Variants in UST observed in about 807,000 individuals in gnomAD.
The protein encoded by UST is chondroitin sulfate 2-O-sulfotransferase.
UST carries 21 observed loss-of-function variants against 45.6 expected under a neutral mutation model. The observed-to-expected ratio is 0.46, with a 90% CI of 0.33 to 0.66. UST has a LOEUF of 0.66. UST is among the 30% of genes least tolerant of loss of function. UST has a pLI of 0.02. For synonymous variants in UST, 215 were observed against 200.6 expected (o/e 1.07, Z -0.61); for missense variants, 463 against 512.4 (o/e 0.90, Z 0.93).
At chr6:149,054,472 C>A (rs2115038058) in intron 7 of UST, among the ~76,000 whole-genome samples, 1 of 152,326 alleles carries the variant, frequency 6.6e-6, no homozygotes, top group Admixed American at 6.5e-5. Flanking sequence ...TAGCAATCTT[C>A]TGTGGTTCCA....
At chr6:148,993,926 A>G (rs2114995365) in intron 5 of UST, among the ~76,000 whole-genome samples, 1 of 136,746 alleles carries the variant, frequency 7.3e-6, no homozygotes, top group South Asian at 2.4e-4. Context: ...TCTTTTCCTT[A>G]TAAATTACCC....
At chr6:149,010,913 A>AAAAAAAAAAAAAAAAAAAAAAAAAAAAC (rs755674810) in intron 5 of UST, among the ~76,000 whole-genome samples, 3 of 92,996 alleles carry the variant, frequency 3.2e-5, no homozygotes, top group Admixed American at 1.3e-4. Context: ...AAAAAAAAAA[A>AAAAAAAAAAAAAAAAAAAAAAAAAAAAC]AAAAAACTGT....
chr6:148,842,063 A>G (rs902823673), intron 1 of UST, among the ~76,000 whole-genome samples: 1 of 152,180 alleles, frequency 6.6e-6, no homozygotes, highest in African/African-American at 2.4e-5. Flanking sequence ...CCGAGATCTT[A>G]CCAATGCACT....
chr6:149,056,444 G>T (rs1461379125), intron 7 of UST, among the ~76,000 whole-genome samples: 2 of 151,964 alleles, frequency 1.3e-5, no homozygotes, highest in African/African-American at 2.4e-5. Flanking sequence ...TGATACCCAG[G>T]GATTTTTCCC....
At chr6:148,760,409 G>A (rs140717888) in intron 1 of UST, among the ~76,000 whole-genome samples, 24 of 152,280 alleles carry the variant, frequency 1.6e-4, no homozygotes, top group Non-Finnish European at 2.5e-4. Flanking sequence ...TGGGTAAGAG[G>A]GTTCTTCACA....
At chr6:148,787,683 G>C (rs774304000) in intron 1 of UST, among the ~76,000 whole-genome samples, 1 of 152,100 alleles carries the variant, frequency 6.6e-6, no homozygotes, top group Non-Finnish European at 1.5e-5. Context: ...CTCTTTTTCG[G>C]TTCCATATGA....
chr6:149,018,456 T>A (rs1775937109), intron 5 of UST, among the ~76,000 whole-genome samples: 1 of 152,198 alleles, frequency 6.6e-6, no homozygotes, highest in South Asian at 2.1e-4. Context: ...TAATATGATC[T>A]ACCTTGATAA....
chr6:148,786,014 C>G (rs1349052574), intron 1 of UST, among the ~76,000 whole-genome samples: 1 of 151,530 alleles, frequency 6.6e-6, no homozygotes, highest in Non-Finnish European at 1.5e-5. Context: ...ATCATGTTAG[C>G]TTTTTAAATA....
chr6:148,872,638 TA>T (rs1357721912), intron 1 of UST, among the ~76,000 whole-genome samples: 1 of 152,138 alleles, frequency 6.6e-6, no homozygotes, highest in African/African-American at 2.4e-5. Context: ...ACAAAATAAT[TA>T]TCTTACAGTT....
At chr6:148,814,496 G>A (rs114138489) in intron 1 of UST, among the ~76,000 whole-genome samples, 65 of 152,142 alleles carry the variant, frequency 4.3e-4, no homozygotes, top group African/African-American at 1.4e-3. Context: ...AAAAAATCAT[G>A]CCAAGAGGGC....
At position 149,074,100 on chromosome 6, in the gene UST, A is replaced by C; in HGVS notation, c.1205A>C (p.Asp402Ala). The C allele has an allele frequency of 1.9e-6, 3 of 1,614,162 alleles. No homozygotes were observed. The highest frequency in any genetic ancestry group is 2.5e-6 in the Non-Finnish European group (3 of 1,179,992). ...CAGGATGATGAAAAGTGGCTGGAAG[A>C]TATTTATAAGAGGTGATGTGACTGT... ...EEQDDEKWLE[D>A]IYKR The change falls in exon 8 of 8, where the codon GAT (aspartate) becomes GCT (alanine). Residue 402 changes from aspartate (D) to alanine (A), a missense_variant. Physicochemically the swap from Asp to Ala is moderately radical, Grantham distance 126 (BLOSUM62 -2). Transcript: ENST00000367463.
intron 5 of UST, among the ~76,000 whole-genome samples, chr6:148,974,175 T>A (rs532811955): frequency 3.3e-5 from 5 of 152,334 alleles, no homozygotes; most frequent in African/African-American, 1.2e-4. Context: ...AGCATGAGCT[T>A]ATTATTAAAA....
chr6:149,041,464 C>G (rs957641157), intron 7 of UST, among the ~76,000 whole-genome samples: 1 of 152,210 alleles, frequency 6.6e-6, no homozygotes, highest in African/African-American at 2.4e-5. Flanking sequence ...AGACCTGGAG[C>G]TGGGATGTTC....
At chr6:148,838,219 C>T (rs1018020376) in intron 1 of UST, among the ~76,000 whole-genome samples, 7 of 151,966 alleles carry the variant, frequency 4.6e-5, no homozygotes, top group Non-Finnish European at 7.4e-5. Flanking sequence ...GGCCTGAGGG[C>T]GGGGTGAGAG....
At chr6:148,861,130 CTTT>C (rs1778304169) in intron 1 of UST, among the ~76,000 whole-genome samples, 1 of 152,038 alleles carries the variant, frequency 6.6e-6, no homozygotes, top group African/African-American at 2.4e-5. Context: ...TGGTCCTGGA[CTTT>C]TTTTGGTTGG....
chr6:149,021,194 TG>T, intron 6 of UST, 129 bp from the exon 7 acceptor site: 4 of 1,010,654 alleles, frequency 4.0e-6, no homozygotes, highest in Non-Finnish European at 5.7e-6. Context: ...ACATCTGGGC[TG>T]GTCCTTGAGG....
intron 1 of UST, among the ~76,000 whole-genome samples, chr6:148,869,095 C>T (rs1309500897): frequency 6.6e-6 from 1 of 152,206 alleles, no homozygotes; most frequent in African/African-American, 2.4e-5. Flanking sequence ...GGGCTGTTGG[C>T]TGCCATACTC....
chr6:148,807,105 G>A (rs1777165342), intron 1 of UST, among the ~76,000 whole-genome samples: 2 of 152,160 alleles, frequency 1.3e-5, no homozygotes, highest in African/African-American at 4.8e-5. Flanking sequence ...TAAAGGAGTG[G>A]AGCGAAGGAA....
chr6:149,012,853 G>C (rs1039885939), intron 5 of UST, among the ~76,000 whole-genome samples: 11 of 150,498 alleles, frequency 7.3e-5, no homozygotes, highest in South Asian at 2.1e-4. Context: ...TGGTGTTTTT[G>C]AATATAAGAT....
Sources: allele counts gnomAD v4.1 joint callset (sites outside exome capture counted in the v4.1 genomes callset), GRCh38; gene constraint gnomAD v4.1.1; transcripts MANE v1.5; gene names NCBI Gene and HGNC (gene_info 2026-07-23, HGNC 2026-07-21).